The following DLG2 variants were observed in gnomAD, a reference collection of about 807,000 sequenced individuals.
DLG2 encodes disks large homolog 2.
Under a neutral mutation model 132.5 loss-of-function variants are expected in DLG2, and 45 were observed. That is an observed-to-expected ratio of 0.34 (90% CI 0.27 to 0.44). The LOEUF is 0.44. Ranked by LOEUF, DLG2 falls within the 20% of genes least tolerant of loss-of-function variation. The probability of loss-of-function intolerance (pLI) is 1.00; values close to 1 mark genes in which losing one functional copy is unlikely to be tolerated. For synonymous variants in DLG2, 424 were observed against 419.6 expected, an observed-to-expected ratio of 1.01 and a Z score of -0.13; for missense variants, 1,045 against 1,196.9, an observed-to-expected ratio of 0.87 and a Z score of 1.87.
intron 17 of DLG2, among the ~76,000 whole-genome samples, chr11:83,802,228 A>T (rs1238444715): frequency 1.3e-5 from 2 of 152,134 alleles, no homozygotes; most frequent in Non-Finnish European, 2.9e-5. Flanking sequence ...CCTTGCAAAC[A>T]TTGTTAAACA....
intron 6 of DLG2, among the ~76,000 whole-genome samples, chr11:84,869,106 G>A (rs2085075721): frequency 6.6e-6 from 1 of 152,192 alleles, no homozygotes; most frequent in African/African-American, 2.4e-5. Context: ...TACAGCTGCT[G>A]TAATATCACT....
At position 85,088,908 on chromosome 11, in the gene DLG2, T is replaced by C. The variant is rs566130919; in HGVS notation, c.357+22753A>G. 5.9e-5 allele frequency among the ~76,000 whole-genome samples: 9 copies of C among 152,264 alleles called. No individual in the cohort carries two copies. The South Asian group carries it at 1.9e-3, about 32-fold the overall frequency. On this transcript the variant is annotated intron_variant, in intron 6 of 27. Transcript: ENST00000376104. The stretch of plus-strand genomic sequence containing the variant: ...CCTTGTCAGCATGGTTCAGTAACAT[T>C]AAACCAATCAGTTATACAAAATCAG...
At chr11:83,709,075 CCT>C (rs2084741680) in intron 18 of DLG2, among the ~76,000 whole-genome samples, 1 of 152,024 alleles carries the variant, frequency 6.6e-6, no homozygotes, top group South Asian at 2.1e-4. Context: ...GTTCTCTTCC[CCT>C]CTTAAAGGTA....
intron 4 of DLG2, among the ~76,000 whole-genome samples, chr11:85,260,133 T>C (rs1156950656): frequency 6.6e-6 from 1 of 152,132 alleles, no homozygotes; most frequent in African/African-American, 2.4e-5. Flanking sequence ...ATTGCATTAT[T>C]TGTAAAAAGG....
At chr11:84,535,125 A>G (rs1350850963) in intron 6 of DLG2, among the ~76,000 whole-genome samples, 1 of 152,254 alleles carries the variant, frequency 6.6e-6, no homozygotes, top group African/African-American at 2.4e-5. Flanking sequence ...AGTACTGAGC[A>G]AGAAGAAAAC....
At chr11:84,565,955 A>C (rs2099452713) in intron 6 of DLG2, among the ~76,000 whole-genome samples, 1 of 146,574 alleles carries the variant, frequency 6.8e-6, no homozygotes, top group East Asian at 2.0e-4. Context: ...ATTTCATATG[A>C]TGAAGTTTTT....
intron 14 of DLG2, among the ~76,000 whole-genome samples, chr11:83,937,141 C>T (rs986055479): frequency 4.6e-5 from 7 of 151,716 alleles, no homozygotes; most frequent in Non-Finnish European, 8.8e-5. Flanking sequence ...TACTAAGAAT[C>T]GTGATGGAAA....
intron 11 of DLG2, among the ~76,000 whole-genome samples, chr11:84,048,216 A>G (rs2096279123): frequency 6.6e-6 from 1 of 151,636 alleles, no homozygotes; most frequent in South Asian, 2.1e-4. Context: ...TTTAGCTACA[A>G]TTTATTTCTA....
chr11:85,592,435 T>C (rs758154701), intron 3 of DLG2, among the ~76,000 whole-genome samples: 2 of 152,224 alleles, frequency 1.3e-5, no homozygotes, highest in Non-Finnish European at 2.9e-5. Context: ...CTGAAGCACA[T>C]GCTTTGAGAT....
intron 21 of DLG2, among the ~76,000 whole-genome samples, chr11:83,522,975 A>G (rs1256501069): frequency 6.6e-6 from 1 of 152,226 alleles, no homozygotes; most frequent in East Asian, 1.9e-4. Context: ...GTTAAGAGGC[A>G]AGATATACTC....
At chr11:83,769,157 A>G (rs976162745) in intron 18 of DLG2, among the ~76,000 whole-genome samples, 4 of 152,270 alleles carry the variant, frequency 2.6e-5, no homozygotes, top group Admixed American at 2.0e-4. Flanking sequence ...TCATTCCTTC[A>G]TAAGTGGACT....
chr11:84,227,235 G>A (rs954695950), intron 8 of DLG2, among the ~76,000 whole-genome samples: 5 of 152,010 alleles, frequency 3.3e-5, no homozygotes, highest in Admixed American at 6.6e-5. Flanking sequence ...CATTTTGACA[G>A]GTGAAATGAA....
chr11:84,217,603 A>C (rs567197724), intron 8 of DLG2, among the ~76,000 whole-genome samples: 1 of 152,338 alleles, frequency 6.6e-6, no homozygotes, highest in Admixed American at 6.5e-5. Context: ...ATATTATCTC[A>C]AAAACAAAAA....
chr11:85,408,394 A>T lies in DLG2; in HGVS notation c.41-123029T>A, dbSNP rs1031234861. ...TAAATTGTTTTGTACTATTATTTTT[A>T]TTATTATTATTATTATTATACTTTA... On this transcript the variant is annotated intron_variant, in intron 3 of 27. Transcript: ENST00000376104. Among the ~76,000 whole-genome samples, 43 of 148,766 alleles carry T rather than the reference A, an allele frequency of 2.9e-4. 1 individual carries two copies. Among genetic ancestry groups the T allele is most frequent in the Admixed American group, 1.9e-3 (29 of 14,894 alleles).
intron 6 of DLG2, among the ~76,000 whole-genome samples, chr11:84,778,276 T>A (rs2071063659): frequency 6.6e-6 from 1 of 152,176 alleles, no homozygotes; most frequent in Admixed American, 6.5e-5. Context: ...TTATGTGGCT[T>A]CATTTCTGGA....
At chr11:85,191,156 A>G (rs76834838) in intron 4 of DLG2, among the ~76,000 whole-genome samples, 2,104 of 119,070 alleles carry the variant, frequency 0.018, 37 homozygotes, top group African/African-American at 0.054. Flanking sequence ...GCGCGCGCGC[A>G]CGCGCGCACA....
At chr11:84,429,322 T>C (rs1295198831) in intron 7 of DLG2, among the ~76,000 whole-genome samples, 1 of 152,136 alleles carries the variant, frequency 6.6e-6, no homozygotes, top group African/African-American at 2.4e-5. Flanking sequence ...AAAAAATGTT[T>C]GAGTGGGGAG....
intron 6 of DLG2, among the ~76,000 whole-genome samples, chr11:84,564,707 G>T (rs1024599077): frequency 1.3e-5 from 2 of 152,104 alleles, no homozygotes; most frequent in African/African-American, 2.4e-5. Flanking sequence ...AAATGGTTTG[G>T]GTTAAATATT....
At chr11:84,598,504 T>A (rs571002861) in intron 6 of DLG2, among the ~76,000 whole-genome samples, 1 of 152,194 alleles carries the variant, frequency 6.6e-6, no homozygotes, top group African/African-American at 2.4e-5. Context: ...TTTTATCTAA[T>A]CCTATTCATC....
Sources: gnomAD v4.1 joint callset for allele counts (sites outside exome capture counted in the v4.1 genomes callset) on GRCh38, gnomAD v4.1.1 for gene constraint, MANE v1.5 for transcripts, NCBI Gene and HGNC (gene_info 2026-07-23, HGNC 2026-07-21) for gene names.